Variants in CELF1 observed in about 807,000 individuals in gnomAD.
CELF1 encodes the protein 50 kDa nuclear polyadenylated RNA-binding protein.
A neutral mutation model predicts 61.8 loss-of-function variants in CELF1; 10 were observed. That is an observed-to-expected ratio of 0.16 (90% confidence interval 0.10 to 0.27). CELF1 has a LOEUF of 0.27. CELF1 is among the 10% of genes least tolerant of loss of function. The pLI, the probability that CELF1 is intolerant of heterozygous loss-of-function variation, is 1.00. For synonymous variants in CELF1, 236 were observed against 225.1 expected (o/e 1.05, Z -0.43); for missense variants, 380 against 639.1 (o/e 0.59, Z 4.37).
At chr11:47,545,867 CTGCGTG>C (rs1358790651) in intron 1 of CELF1, among the ~76,000 whole-genome samples, 4,666 of 121,412 alleles carry the variant, frequency 0.038, 119 homozygotes, top group African/African-American at 0.047. Context: ...GTGTGTGTGT[CTGCGTG>C]TGTGTGTGTG....
intron 1 of CELF1, among the ~76,000 whole-genome samples, chr11:47,536,375 T>C (rs1188443461): frequency 6.6e-6 from 1 of 152,206 alleles, no homozygotes; most frequent in African/African-American, 2.4e-5. Flanking sequence ...AATAAATAGA[T>C]AGATAGATAG....
intron 1 of CELF1, among the ~76,000 whole-genome samples, chr11:47,533,257 C>T (rs528432442): frequency 3.6e-4 from 55 of 152,182 alleles, no homozygotes; most frequent in Non-Finnish European, 5.1e-4. Flanking sequence ...GAAGCTGAGG[C>T]GGGGGGATCA....
chr11:47,514,777 G>C (rs1319216035), intron 1 of CELF1: 1 of 151,972 alleles, frequency 6.6e-6, no homozygotes, highest in Non-Finnish European at 1.5e-5. Context: ...AAGATTGCTT[G>C]AGTCCAGAAA....
At chr11:47,511,873 G>C (rs977000164) in intron 1 of CELF1, among the ~76,000 whole-genome samples, 3 of 151,872 alleles carry the variant, frequency 2.0e-5, no homozygotes, top group Non-Finnish European at 2.9e-5. Flanking sequence ...TTTTGAGACA[G>C]AGTCTCTCTC....
intron 6 of CELF1, 111 bp from the exon 7 acceptor site, chr11:47,484,634 T>C: frequency 2.4e-6 from 2 of 833,956 alleles, no homozygotes; most frequent in Non-Finnish European, 3.8e-6. Context: ...TACCATATTT[T>C]ACAGATTCAA....
chr11:47,525,415 T>C (rs1271446437), intron 1 of CELF1, among the ~76,000 whole-genome samples: 1 of 152,228 alleles, frequency 6.6e-6, no homozygotes, highest in African/African-American at 2.4e-5. Context: ...GCATGGCTGA[T>C]TGGCTCAAAT....
In CELF1 at chr11:47,522,903, G is replaced by A. The variant is rs545849574; in HGVS notation, c.-153-21971C>T. ...TTTAAAAAAAAAATTGGGTACCTGA[G>A]ATTATTCCAAAATATTTCCTAGCAG... On this transcript the variant is annotated intron_variant, in intron 1 of 14. Coordinates refer to ENST00000687097, the MANE Select transcript of CELF1 (RefSeq NM_001376376.1). Among the ~76,000 whole-genome samples, 6 of 151,526 alleles carry A rather than the reference G, an allele frequency of 4.0e-5. No homozygotes were observed. In the South Asian group the frequency reaches 1.3e-3, roughly 32 times the overall value.
In CELF1 at chr11:47,543,989, G is replaced by A. The variant is rs368939941; in HGVS notation, c.-154+9003C>T. Among the ~76,000 whole-genome samples, 6 of 152,122 alleles carry A rather than the reference G, an allele frequency of 3.9e-5. No homozygotes were observed. In the South Asian group the frequency reaches 1.2e-3, roughly 31 times the overall value. On this transcript the variant is annotated intron_variant, in intron 1 of 14. Transcript: ENST00000687097. ...TTTTCAGTTTTCTTTGAACACAGAA[G>A]CCTCCTAACAGTAGACTCTCAAAGT... is the stretch of plus-strand genomic sequence containing the variant.
chr11:47,474,037 G>A (rs1360771786), intron 13 of CELF1, among the ~76,000 whole-genome samples: 1 of 152,086 alleles, frequency 6.6e-6, no homozygotes, highest in Non-Finnish European at 1.5e-5. Context: ...CTCCCGAGTA[G>A]CTGGGATTAC....
At chr11:47,558,674 TATGTA>T (rs2097215175) in intron 2 of CELF1, among the ~76,000 whole-genome samples, 1 of 110,580 alleles carries the variant, frequency 9.0e-6, no homozygotes, top group Non-Finnish European at 1.7e-5. Flanking sequence ...CATAATATAA[TATGTA>T]ATATATTATA....
intron 9 of CELF1, among the ~76,000 whole-genome samples, chr11:47,481,957 C>G (rs902816661): frequency 2.0e-5 from 3 of 152,190 alleles, no homozygotes; most frequent in Non-Finnish European, 4.4e-5. Context: ...AAACCCAGCA[C>G]TTTGGGAGGC....
chr11:47,527,114 A>G (rs1230940239), intron 1 of CELF1, among the ~76,000 whole-genome samples: 1 of 152,080 alleles, frequency 6.6e-6, no homozygotes, highest in Non-Finnish European at 1.5e-5. Context: ...CTGAGTACAC[A>G]GCAGGATTCC....
At chr11:47,544,471 C>A (rs1377789577) in intron 1 of CELF1, among the ~76,000 whole-genome samples, 2 of 152,104 alleles carry the variant, frequency 1.3e-5, no homozygotes, top group Admixed American at 1.3e-4. Flanking sequence ...ATCCACTGTC[C>A]CAAGCTGTCA....
chr11:47,533,664 G>C (rs1281501994), intron 1 of CELF1, among the ~76,000 whole-genome samples: 6 of 50,058 alleles, frequency 1.2e-4, no homozygotes, highest in African/African-American at 3.6e-4. Flanking sequence ...ACATAAATTA[G>C]CTGAGCATGG....
At chr11:47,564,989 G>A (rs2097240173) in intron 1 of CELF1, among the ~76,000 whole-genome samples, 1 of 152,116 alleles carries the variant, frequency 6.6e-6, no homozygotes, top group African/African-American at 2.4e-5. Context: ...CCCTAGGACA[G>A]GGGAGGGGAG....
intron 10 of CELF1, among the ~76,000 whole-genome samples, chr11:47,478,076 T>A (rs907245770): frequency 6.7e-6 from 1 of 149,756 alleles, no homozygotes; most frequent in African/African-American, 2.5e-5. Context: ...GAAAGATGGA[T>A]GGGGTGAGGG....
At chr11:47,542,292 C>T (rs1273275062) in intron 1 of CELF1, among the ~76,000 whole-genome samples, 1 of 152,030 alleles carries the variant, frequency 6.6e-6, no homozygotes, top group Non-Finnish European at 1.5e-5. Context: ...CGCTTCAACC[C>T]GGGAGGCGAA....
At chr11:47,484,664 G>A in intron 6 of CELF1, 141 bp from the exon 7 acceptor site, 1 of 671,778 alleles carries the variant, frequency 1.5e-6, no homozygotes, top group Middle Eastern at 3.6e-4. Flanking sequence ...TTTGTTTTTT[G>A]TATTTTTCAC....
chr11:47,529,980 AG>A (rs1330837183), intron 1 of CELF1, among the ~76,000 whole-genome samples: 3 of 152,194 alleles, frequency 2.0e-5, no homozygotes, highest in African/African-American at 7.2e-5. Context: ...GTTTGTAAAG[AG>A]TATATAAAAG....
Sources: allele counts gnomAD v4.1 joint callset (sites outside exome capture counted in the v4.1 genomes callset), GRCh38; gene constraint gnomAD v4.1.1; transcripts MANE v1.5; gene names NCBI Gene and HGNC (gene_info 2026-07-23, HGNC 2026-07-21).